The following FAM135B variants were observed in gnomAD, a reference collection of about 807,000 sequenced individuals.
FAM135B encodes the protein protein FAM135B.
In FAM135B, 43 loss-of-function variants were observed where a neutral mutation model predicts 127.7. The observed-to-expected ratio is 0.34, with a 90% CI of 0.26 to 0.43. The LOEUF (loss-of-function observed/expected upper bound fraction) is 0.43. FAM135B is among the 20% of genes least tolerant of loss of function. The probability of loss-of-function intolerance (pLI) is 1.00; values close to 1 mark genes in which losing one functional copy is unlikely to be tolerated. For synonymous variants in FAM135B, 670 were observed against 665.1 expected, an observed-to-expected ratio of 1.01 and a Z score of -0.11; for missense variants, 1,558 against 1,725.6, an observed-to-expected ratio of 0.90 and a Z score of 1.72.
At chr8:138,205,613 C>G (rs1052149680) in intron 7 of FAM135B, among the ~76,000 whole-genome samples, 1 of 152,160 alleles carries the variant, frequency 6.6e-6, no homozygotes. Context: ...AATTGCTGAG[C>G]TTTTAGTCAG....
chr8:138,173,133 T>C (rs944012861), intron 11 of FAM135B, among the ~76,000 whole-genome samples: 2 of 152,134 alleles, frequency 1.3e-5, no homozygotes, highest in African/African-American at 4.8e-5. Context: ...TGGATTTTAT[T>C]TGGGGTATTC....
chr8:138,379,640 C>T (rs187560760), intron 1 of FAM135B, among the ~76,000 whole-genome samples: 13 of 152,148 alleles, frequency 8.5e-5, no homozygotes, highest in Non-Finnish European at 1.5e-4. Flanking sequence ...TACTGGATAC[C>T]GAGCCCACAG....
chr8:138,218,319 A>G (rs928217004), intron 7 of FAM135B, among the ~76,000 whole-genome samples: 3 of 152,192 alleles, frequency 2.0e-5, no homozygotes, highest in Non-Finnish European at 4.4e-5. Flanking sequence ...TTTATTCAAT[A>G]TTTACCATAA....
intron 1 of FAM135B, among the ~76,000 whole-genome samples, chr8:138,397,766 C>T (rs1832927509): frequency 6.6e-6 from 1 of 152,164 alleles, no homozygotes; most frequent in Non-Finnish European, 1.5e-5. Context: ...GTCAGAGCTC[C>T]CGTCCCTAGA....
intron 2 of FAM135B, among the ~76,000 whole-genome samples, chr8:138,356,280 G>A (rs1512387): frequency 0.19 from 1,317 of 6,838 alleles, 23 homozygotes; most frequent in African/African-American, 0.3. Context: ...GAGAGAGAGA[G>A]AGAAAGAGAG....
chr8:138,315,051 G>C (rs1258414627), intron 2 of FAM135B, among the ~76,000 whole-genome samples: 1 of 151,868 alleles, frequency 6.6e-6, no homozygotes, highest in African/African-American at 2.4e-5. Context: ...GAAAATATTT[G>C]CAAACAATAT....
At chr8:138,355,972 G>A (rs991417940) in intron 2 of FAM135B, among the ~76,000 whole-genome samples, 1 of 152,136 alleles carries the variant, frequency 6.6e-6, no homozygotes, top group Non-Finnish European at 1.5e-5. Context: ...CTCATGAGTG[G>A]ATGAGTGACT....
chr8:138,363,661 T>A (rs1830573682), intron 2 of FAM135B, among the ~76,000 whole-genome samples: 1 of 152,184 alleles, frequency 6.6e-6, no homozygotes, highest in African/African-American at 2.4e-5. Flanking sequence ...GTGTGCATTC[T>A]CAGACTGGAA....
In FAM135B at chr8:138,426,016, C is replaced by CATAT. The variant is rs1563992486; in HGVS notation, c.-19-58015_-19-58014insATAT. On this transcript the variant is annotated intron_variant, in intron 1 of 19. Coordinates refer to ENST00000395297, the MANE Select transcript of FAM135B (RefSeq NM_015912.4). ...ATATATATATATATATATATATACA[C>CATAT]ACACATACATATACACACACACACA... 1.9e-3 allele frequency among the ~76,000 whole-genome samples: 28 copies of CATAT among 15,006 alleles called. 2 individuals carry two copies. The highest frequency in any genetic ancestry group is 0.011 in the African/African-American group (25 of 2,232). 9.8% of individuals were successfully genotyped at this position (15,006 alleles called of 152,430 possible). A position where few individuals can be genotyped will look rare whatever the true frequency, so the allele number is the denominator to read the frequency against.
At chr8:138,465,648 C>T (rs1837343528) in intron 1 of FAM135B, among the ~76,000 whole-genome samples, 1 of 152,180 alleles carries the variant, frequency 6.6e-6, no homozygotes, top group South Asian at 2.1e-4. Flanking sequence ...CTCCAGGAGC[C>T]CAGCCCTACA....
chr8:138,239,634 C>G (rs572847813), intron 7 of FAM135B, among the ~76,000 whole-genome samples: 22 of 152,292 alleles, frequency 1.4e-4, no homozygotes, highest in Middle Eastern at 6.8e-3. Context: ...TTTGACCCAG[C>G]CATCCCATTA....
At chr8:138,251,065 T>A in intron 5 of FAM135B, 51 bp from the exon 6 acceptor site, 3 of 1,602,756 alleles carry the variant, frequency 1.9e-6, no homozygotes, top group Non-Finnish European at 2.6e-6. Context: ...TTGCCCCTGC[T>A]GTCCTCCTAG....
intron 1 of FAM135B, among the ~76,000 whole-genome samples, chr8:138,489,638 CAA>C (rs35943951): frequency 4.6e-5 from 7 of 152,142 alleles, no homozygotes; most frequent in Non-Finnish European, 1.0e-4. Context: ...AATCCATTCA[CAA>C]AGTGTCCAAG....
chr8:138,438,586 T>C (rs935326045), intron 1 of FAM135B: 5 of 152,020 alleles, frequency 3.3e-5, no homozygotes, highest in African/African-American at 1.2e-4. Flanking sequence ...TAAAACTGGG[T>C]TCAATTTTGA....
chr8:138,490,418 AG>A (rs1206763723), intron 1 of FAM135B, among the ~76,000 whole-genome samples: 2 of 152,200 alleles, frequency 1.3e-5, no homozygotes, highest in Admixed American at 6.5e-5. Context: ...AGGGCCCATC[AG>A]GAAAGTGAGC....
intron 2 of FAM135B, among the ~76,000 whole-genome samples, chr8:138,339,150 C>A (rs1206289719): frequency 1.3e-5 from 2 of 151,504 alleles, no homozygotes; most frequent in Non-Finnish European, 2.9e-5. Flanking sequence ...AGGAGATACA[C>A]CTAATGTTAA....
At chr8:138,180,677 T>C (rs1814936217) in intron 9 of FAM135B, among the ~76,000 whole-genome samples, 1 of 152,192 alleles carries the variant, frequency 6.6e-6, no homozygotes, top group Admixed American at 6.5e-5. Context: ...TAAGGTTCTG[T>C]AAATGTTGCA....
intron 3 of FAM135B, among the ~76,000 whole-genome samples, chr8:138,268,712 C>G (rs530586990): frequency 2.0e-5 from 3 of 152,338 alleles, no homozygotes; most frequent in African/African-American, 7.2e-5. Context: ...AGTACATACT[C>G]TCTCTGCCCT....
chr8:138,245,126 A>T (rs1229780068), intron 6 of FAM135B, among the ~76,000 whole-genome samples: 1 of 152,184 alleles, frequency 6.6e-6, no homozygotes, highest in Non-Finnish European at 1.5e-5. Context: ...AACCCTGAAG[A>T]AGTCTAGCCC....
Sources: allele counts gnomAD v4.1 joint callset (sites outside exome capture counted in the v4.1 genomes callset), GRCh38; gene constraint gnomAD v4.1.1; transcripts MANE v1.5; gene names NCBI Gene and HGNC (gene_info 2026-07-23, HGNC 2026-07-21).